Variants in CRACDL observed in about 807,000 individuals in gnomAD.
CRACDL encodes the protein CRACD-like protein.
CRACDL carries 26 observed loss-of-function variants against 70.6 expected under a neutral mutation model. The observed-to-expected ratio is 0.37, with a 90% CI of 0.27 to 0.51. The LOEUF (loss-of-function observed/expected upper bound fraction) is 0.51. CRACDL is among the 20% of genes least tolerant of loss of function. CRACDL has a pLI of 0.94. For synonymous variants in CRACDL, 618 were observed against 615.2 expected (o/e 1.00, Z -0.07); for missense variants, 1,283 against 1,376.9 (o/e 0.93, Z 1.08).
At chr2:98,886,390 A>C (rs2104625738) in intron 1 of CRACDL, among the ~76,000 whole-genome samples, 1 of 152,354 alleles carries the variant, frequency 6.6e-6, no homozygotes, top group South Asian at 2.1e-4. Context: ...GGCAAACAAC[A>C]GATTGTCTAA....
At chr2:98,864,908 G>A (rs80135627) in intron 1 of CRACDL, among the ~76,000 whole-genome samples, 4,510 of 152,196 alleles carry the variant, frequency 0.03, 166 homozygotes, top group South Asian at 0.17. Flanking sequence ...TCAAAGCTGC[G>A]GAAAAAGGAT....
chr2:98,831,700 G>A (rs537947708), intron 5 of CRACDL, among the ~76,000 whole-genome samples: 9 of 152,244 alleles, frequency 5.9e-5, no homozygotes, highest in Admixed American at 3.3e-4. Flanking sequence ...GCAGCATCGC[G>A]AGCTATGTTG....
intron 7 of CRACDL, among the ~76,000 whole-genome samples, chr2:98,821,208 G>C (rs1425521495): frequency 6.6e-6 from 1 of 151,966 alleles, no homozygotes; most frequent in Non-Finnish European, 1.5e-5. Context: ...TTTTAAAACA[G>C]ACAGGGTCTC....
chr2:98,919,417 T>G (rs1302056290), intron 1 of CRACDL, among the ~76,000 whole-genome samples: 1 of 152,226 alleles, frequency 6.6e-6, no homozygotes, highest in Non-Finnish European at 1.5e-5. Context: ...AATGAGTTGT[T>G]CATATTCATT....
intron 1 of CRACDL, among the ~76,000 whole-genome samples, chr2:98,878,817 T>C (rs887474059): frequency 5.9e-5 from 9 of 152,204 alleles, no homozygotes; most frequent in African/African-American, 1.7e-4. Flanking sequence ...ACAGTTTCCA[T>C]TGAATGCGTA....
At chr2:98,869,340 C>T (rs1038618322) in intron 1 of CRACDL, 13 of 1,133,754 alleles carry the variant, frequency 1.1e-5, no homozygotes, top group African/African-American at 4.9e-5. Flanking sequence ...GCTCCTTGGG[C>T]GGGTGCACAG....
chr2:98,857,833 A>ATGTATG (rs1558605264), intron 1 of CRACDL, among the ~76,000 whole-genome samples: 4 of 152,286 alleles, frequency 2.6e-5, no homozygotes, highest in South Asian at 4.1e-4. Context: ...GTGTGTATGT[A>ATGTATG]TGTATGTGTA....
intron 1 of CRACDL, among the ~76,000 whole-genome samples, chr2:98,917,605 CACTT>C (rs1708698412): frequency 1.3e-5 from 2 of 152,248 alleles, no homozygotes; most frequent in African/African-American, 2.4e-5. Context: ...GACTTTCTCA[CACTT>C]ACTGACATTT....
chr2:98,867,780 G>A (rs1417980142), intron 1 of CRACDL, among the ~76,000 whole-genome samples: 3 of 152,166 alleles, frequency 2.0e-5, no homozygotes, highest in Non-Finnish European at 4.4e-5. Flanking sequence ...ACAGGACACC[G>A]AAGCCCTGGG....
chr2:98,903,775 G>A (rs1371960370), intron 1 of CRACDL, among the ~76,000 whole-genome samples: 1 of 152,188 alleles, frequency 6.6e-6, no homozygotes, highest in Non-Finnish European at 1.5e-5. Context: ...TCATTTTTAA[G>A]TCAGATACAT....
chr2:98,877,225 A>T (rs1294358838), intron 1 of CRACDL, among the ~76,000 whole-genome samples: 1 of 152,220 alleles, frequency 6.6e-6, no homozygotes, highest in Non-Finnish European at 1.5e-5. Context: ...CAAGCTCCTA[A>T]GCAGCTGAGT....
At chr2:98,869,036 C>T (rs916889475) in intron 1 of CRACDL, 11 of 1,261,842 alleles carry the variant, frequency 8.7e-6, no homozygotes, top group East Asian at 5.6e-5. Context: ...TCCCCTCCCT[C>T]GCGACTCTCC....
rs369616356 is a variant in CRACDL at position 98,797,447 on chromosome 2, C to A, written c.2507G>T (p.Gly836Val). Residue 836 changes from glycine to valine, a missense_variant, in exon 8 of 10, where the codon GGG (glycine) becomes GTG (valine). Gly to Val is a moderately radical substitution (Grantham distance 109). Around this residue, in one of 2 missense-constraint regions of CRACDL, gnomAD observed 921 missense variants for 881.9 expected, o/e 1.04. Transcript: ENST00000397899. Reference protein sequence around the residue: ...WITVTRQKRRGTLDQPPNQED... With the variant: ...WITVTRQKRRVTLDQPPNQED... ...CTGGTTGGGTGGCTGGTCCAAGGTC[C>A]CCCTCCGCTTCTGCCGAGTGACGGT... The A allele has an allele frequency of 4.8e-5, 78 of 1,614,100 alleles. No individual in the cohort carries two copies. Among genetic ancestry groups the A allele is most frequent in the Non-Finnish European group, 6.0e-5 (71 of 1,180,046 alleles).
At chr2:98,807,419 T>C (rs1704353977) in intron 7 of CRACDL, among the ~76,000 whole-genome samples, 1 of 152,214 alleles carries the variant, frequency 6.6e-6, no homozygotes, top group South Asian at 2.1e-4. Flanking sequence ...ATGCTCAGCG[T>C]CTCTACCTGC....
At chr2:98,829,587 A>G (rs1322971924) in intron 5 of CRACDL, among the ~76,000 whole-genome samples, 4 of 152,096 alleles carry the variant, frequency 2.6e-5, no homozygotes, top group Admixed American at 1.3e-4. Flanking sequence ...CAGTCACCCA[A>G]TTTTTCCTAA....
intron 1 of CRACDL, among the ~76,000 whole-genome samples, chr2:98,909,308 T>C (rs1393783444): frequency 6.6e-6 from 1 of 152,262 alleles, no homozygotes; most frequent in East Asian, 1.9e-4. Context: ...TTCACAAAAT[T>C]GCTTTCTTTA....
In CRACDL at chr2:98,822,882, G is replaced by A. The variant is rs201322505; in HGVS notation, c.1391C>T (p.Ala464Val). Reference sequence around the variant, plus strand: ...CGCTCCTCTCTCGGGCTCCGTCTCCGCTTCTCTCTCGGGCTCAGGCGCCGG... The same window carrying A: ...CGCTCCTCTCTCGGGCTCCGTCTCCACTTCTCTCTCGGGCTCAGGCGCCGG... ...PGPAPEPERE[A>V]ETEPERGAGT... The change falls in exon 7 of 10, where the codon GCG (alanine) becomes GTG (valine). Residue 464 changes from alanine to valine, a missense_variant. Coordinates refer to ENST00000397899, the MANE Select transcript of CRACDL (RefSeq NM_207362.3). This position sits in a 1 kb window ranked among gnomAD's most constrained non-coding sequence, Gnocchi z 4.9. 1.8e-5 allele frequency: 27 copies of A among 1,469,090 alleles called. No individual in the cohort carries two copies. The Admixed American group carries it at 6.2e-4, about 34-fold the overall frequency. The allele number at this position is 1,469,090 out of a possible 1,614,324, so 91.0% of individuals were successfully genotyped here.
chr2:98,878,146 C>T (rs1707537635), intron 1 of CRACDL, among the ~76,000 whole-genome samples: 1 of 152,082 alleles, frequency 6.6e-6, no homozygotes, highest in Admixed American at 6.5e-5. Context: ...GGGGTTTCAC[C>T]ATGTTGGCCA....
intron 1 of CRACDL, among the ~76,000 whole-genome samples, chr2:98,917,586 T>C (rs1708697665): frequency 6.6e-6 from 1 of 152,272 alleles, no homozygotes; most frequent in African/African-American, 2.4e-5. Flanking sequence ...ACTTGATTAA[T>C]GTAAGATTGA....
Sources: gnomAD v4.1 joint callset for allele counts (sites outside exome capture counted in the v4.1 genomes callset) on GRCh38, gnomAD v4.1.1 for gene constraint, gnomAD v4.1.1 regional missense constraint, Gnocchi (gnomAD v3.1) non-coding constraint, MANE v1.5 for transcripts, NCBI Gene and HGNC (gene_info 2026-07-23, HGNC 2026-07-21) for gene names.